The following STRN3 variants were observed in gnomAD, a reference collection of about 807,000 sequenced individuals.
The protein encoded by STRN3 is striatin-3.
STRN3 carries 29 observed loss-of-function variants against 95.6 expected under a neutral mutation model. The observed-to-expected ratio is 0.30, with a 90% confidence interval of 0.23 to 0.41. The LOEUF (loss-of-function observed/expected upper bound fraction) is 0.41. STRN3 is among the 10% of genes least tolerant of loss of function. The pLI is 1.00. For synonymous variants in STRN3, 331 were observed against 357.6 expected, an observed-to-expected ratio of 0.93 and a Z score of 0.84; for missense variants, 890 against 972.1, an observed-to-expected ratio of 0.92 and a Z score of 1.12.
chr14:31,023,423 G>A (rs1292515296), intron 1 of STRN3, among the ~76,000 whole-genome samples: 1 of 152,092 alleles, frequency 6.6e-6, no homozygotes, highest in African/African-American at 2.4e-5. Context: ...TTTTTACAGA[G>A]AACAGAATCA....
chr14:31,022,820 T>C (rs2139360256), intron 1 of STRN3, among the ~76,000 whole-genome samples: 1 of 152,294 alleles, frequency 6.6e-6, no homozygotes, highest in African/African-American at 2.4e-5. Flanking sequence ...TCCTCACCTG[T>C]AAAACAGGAA....
chr14:30,972,242 T>C (rs1257422170), intron 1 of STRN3, among the ~76,000 whole-genome samples: 1 of 151,760 alleles, frequency 6.6e-6, no homozygotes, highest in African/African-American at 2.4e-5. Context: ...TGCTCCACCC[T>C]AACTCATTCC....
chr14:30,904,736 T>A (rs1896414835), intron 15 of STRN3, among the ~76,000 whole-genome samples: 2 of 152,078 alleles, frequency 1.3e-5, no homozygotes, highest in African/African-American at 4.8e-5. Flanking sequence ...TCACCTCTGA[T>A]AAAAGCTTAC....
intron 1 of STRN3, among the ~76,000 whole-genome samples, chr14:30,995,320 C>A (rs1276023766): frequency 6.6e-6 from 1 of 151,676 alleles, no homozygotes; most frequent in Non-Finnish European, 1.5e-5. Flanking sequence ...GCTATAAAGG[C>A]CACAAAAGAA....
intron 5 of STRN3, among the ~76,000 whole-genome samples, chr14:30,939,135 T>C (rs551521759): frequency 2.0e-4 from 30 of 152,302 alleles, no homozygotes; most frequent in Admixed American, 1.3e-3. Context: ...ATTTGAATTA[T>C]AGCGGAGGAA....
At chr14:30,926,508 T>C (rs1461518915) in intron 8 of STRN3, among the ~76,000 whole-genome samples, 3 of 151,948 alleles carry the variant, frequency 2.0e-5, no homozygotes, top group Non-Finnish European at 2.9e-5. Flanking sequence ...GTGATTTTTA[T>C]AGTTTTTCTT....
At chr14:30,992,000 C>T (rs1340620624) in intron 1 of STRN3, among the ~76,000 whole-genome samples, 2 of 151,232 alleles carry the variant, frequency 1.3e-5, no homozygotes, top group African/African-American at 2.4e-5. Flanking sequence ...TCAGTCCATA[C>T]GACTATTAAA....
intron 4 of STRN3, among the ~76,000 whole-genome samples, chr14:30,949,252 G>T (rs1187805036): frequency 4.5e-5 from 1 of 22,046 alleles, no homozygotes; most frequent in African/African-American, 1.0e-4. Context: ...CACTTATAAG[G>T]AGAGCCTGGA....
chr14:31,017,617 C>A (rs552511675), intron 1 of STRN3, among the ~76,000 whole-genome samples: 26 of 152,182 alleles, frequency 1.7e-4, no homozygotes, highest in African/African-American at 6.0e-4. Flanking sequence ...GAGGAGAACC[C>A]CTGGAACAAA....
At chr14:30,902,171 C>CAAAAAAAAAAAAAAAAAA (rs71112350) in intron 16 of STRN3, among the ~76,000 whole-genome samples, 1 of 39,802 alleles carries the variant, frequency 2.5e-5, no homozygotes, top group African/African-American at 1.0e-4. Context: ...AACTCCGCCT[C>CAAAAAAAAAAAAAAAAAA]AAAAAAAAAA....
chr14:30,967,515 G>A (rs1880589590), intron 1 of STRN3, among the ~76,000 whole-genome samples: 1 of 152,220 alleles, frequency 6.6e-6, no homozygotes, highest in South Asian at 2.1e-4. Flanking sequence ...ATGTAAACAA[G>A]GGCGTAGCCC....
intron 1 of STRN3, among the ~76,000 whole-genome samples, chr14:30,958,240 G>C (rs1227299471): frequency 6.6e-6 from 1 of 152,162 alleles, no homozygotes; most frequent in Non-Finnish European, 1.5e-5. Flanking sequence ...TTGAGCCCAG[G>C]AGTGAGGCTA....
chr14:30,967,001 C>A (rs1880547195), intron 1 of STRN3, among the ~76,000 whole-genome samples: 2 of 151,528 alleles, frequency 1.3e-5, no homozygotes, highest in Admixed American at 1.3e-4. Flanking sequence ...GGGATTGAGC[C>A]TTCCGGGACA....
chr14:31,001,093 T>C (rs1295349848), intron 1 of STRN3, among the ~76,000 whole-genome samples: 2 of 152,194 alleles, frequency 1.3e-5, no homozygotes, highest in African/African-American at 4.8e-5. Flanking sequence ...GATGCTTCTG[T>C]TGAAATTGGT....
chr14:30,928,638 C>A (rs116813412), intron 8 of STRN3, among the ~76,000 whole-genome samples: 1 of 152,216 alleles, frequency 6.6e-6, no homozygotes, highest in African/African-American at 2.4e-5. Flanking sequence ...AATGACTAAA[C>A]AAACCCTACT....
At chr14:30,955,507 T>C in intron 3 of STRN3, 113 bp downstream of exon 3, 1 of 854,356 alleles carries the variant, frequency 1.2e-6, no homozygotes, top group East Asian at 3.0e-5. Flanking sequence ...TTCTAGACAG[T>C]TTACAATAGT....
At chr14:31,019,862 A>G (rs1343101971) in intron 1 of STRN3, among the ~76,000 whole-genome samples, 1 of 150,870 alleles carries the variant, frequency 6.6e-6, no homozygotes, top group African/African-American at 2.4e-5. Flanking sequence ...CTTTTGAATC[A>G]TTATAGTCCA....
At chr14:31,009,101 A>G (rs1012646829) in intron 1 of STRN3, among the ~76,000 whole-genome samples, 2 of 152,098 alleles carry the variant, frequency 1.3e-5, no homozygotes, top group Admixed American at 6.6e-5. Context: ...ATGTAGATCT[A>G]TGTATACTGA....
At chr14:30,981,564 G>A (rs1881397500) in intron 1 of STRN3, among the ~76,000 whole-genome samples, 1 of 124,138 alleles carries the variant, frequency 8.1e-6, no homozygotes, top group African/African-American at 3.1e-5. Flanking sequence ...GAATCACAAG[G>A]TAGCTTAGAA....
Sources: allele counts gnomAD v4.1 joint callset (sites outside exome capture counted in the v4.1 genomes callset), GRCh38; gene constraint gnomAD v4.1.1; transcripts MANE v1.5; gene names NCBI Gene and HGNC (gene_info 2026-07-23, HGNC 2026-07-21).